Variants in ITPR2 observed in about 807,000 individuals in gnomAD.
ITPR2 encodes the protein inositol 1,4,5-trisphosphate-gated calcium channel ITPR2.
Under a neutral mutation model 317.1 loss-of-function variants are expected in ITPR2, and 207 were observed. That is an observed-to-expected ratio of 0.65 (90% CI 0.58 to 0.73). The LOEUF is 0.73. ITPR2 is among the 30% of genes least tolerant of loss of function. ITPR2 has a pLI of 0.00. For synonymous variants in ITPR2, 1,156 were observed against 1,149.1 expected (o/e 1.01, Z -0.12); for missense variants, 2,613 against 3,284.0 (o/e 0.80, Z 4.99).
intron 34 of ITPR2, among the ~76,000 whole-genome samples, chr12:26,574,979 T>C (rs1295894963): frequency 6.6e-6 from 1 of 151,732 alleles, no homozygotes; most frequent in East Asian, 1.9e-4. Flanking sequence ...CATTTCCACA[T>C]GAGATCTGGA....
At chr12:26,613,312 A>G (rs1181942100) in intron 26 of ITPR2, among the ~76,000 whole-genome samples, 3 of 152,226 alleles carry the variant, frequency 2.0e-5, no homozygotes, top group African/African-American at 7.2e-5. Context: ...ACACAGGCTC[A>G]AAACAAAGAG....
intron 55 of ITPR2, among the ~76,000 whole-genome samples, chr12:26,386,316 G>A (rs549691477): frequency 6.6e-6 from 1 of 152,180 alleles, no homozygotes; most frequent in African/African-American, 2.4e-5. Flanking sequence ...AGAATGCAGA[G>A]AAAACAACTT....
At position 26,340,298 on chromosome 12, in the gene ITPR2, G is replaced by T. The variant is rs1216729973; in HGVS notation, c.7888C>A (p.Arg2630=). 1.9e-6 allele frequency: 3 copies of T among 1,605,634 alleles called. No homozygotes were observed. Among genetic ancestry groups the T allele is most frequent in the Non-Finnish European group, 1.7e-6 (2 of 1,176,274 alleles). Reference sequence around the variant, plus strand: ...TCATTGCTAACGAGGGACATGGCTCGCATCCGAGGAAACCAATCCAAATTC... The same window carrying T: ...TCATTGCTAACGAGGGACATGGCTCTCATCCGAGGAAACCAATCCAAATTC... ...EKNLDWFPRM[R]AMSLVSNEGD... The change falls in exon 56 of 57, where the codon CGA becomes AGA. Residue 2630 remains arginine (R), a synonymous_variant. Coordinates refer to ENST00000381340, the MANE Select transcript of ITPR2 (RefSeq NM_002223.4).
chr12:26,578,926 TA>T, intron 33 of ITPR2, 93 bp from the exon 34 acceptor site: 1 of 1,235,192 alleles, frequency 8.1e-7, no homozygotes, highest in Non-Finnish European at 1.1e-6. Context: ...TTCATCAAAA[TA>T]AAATAAAATA....
intron 36 of ITPR2, 57 bp downstream of exon 36, chr12:26,556,176 G>A: frequency 6.4e-7 from 1 of 1,574,396 alleles, no homozygotes; most frequent in East Asian, 2.3e-5. Flanking sequence ...AAGCGGAAAT[G>A]TTAGAGGCCA....
At chr12:26,367,911 C>T (rs941124520) in intron 55 of ITPR2, among the ~76,000 whole-genome samples, 3 of 152,134 alleles carry the variant, frequency 2.0e-5, no homozygotes, top group Admixed American at 6.5e-5. Flanking sequence ...AGATGGCTGA[C>T]ATGGGTTGTT....
intron 11 of ITPR2, among the ~76,000 whole-genome samples, chr12:26,684,197 T>C (rs1374277773): frequency 6.6e-6 from 1 of 152,264 alleles, no homozygotes; most frequent in Non-Finnish European, 1.5e-5. Flanking sequence ...TTGTACTCAG[T>C]TGTCATCAGG....
At position 26,495,162 on chromosome 12, in the gene ITPR2, T is replaced by C. The variant is rs1382713923; in HGVS notation, c.5172A>G (p.Ala1724=). ...AATGACAGGACTTACCTCCCACCTG[T>C]GCAGTTTTGGAGTAGGCTCCTGATA... ...GHLSGAYSKT[A]QVGGSFSGQD... is the part of the protein sequence containing the mutation. The change falls in exon 38 of 57, where the codon GCA becomes GCG. Residue 1724 remains alanine (A), a synonymous_variant. Coordinates refer to ENST00000381340, the MANE Select transcript of ITPR2 (RefSeq NM_002223.4). The C allele has an allele frequency of 7.7e-6, 12 of 1,566,364 alleles. No individual in the cohort carries two copies. The East Asian group carries it at 1.8e-4, about 23-fold the overall frequency.
At chr12:26,777,713 C>T (rs1950000554) in intron 2 of ITPR2, among the ~76,000 whole-genome samples, 2 of 152,176 alleles carry the variant, frequency 1.3e-5, no homozygotes, top group Non-Finnish European at 2.9e-5. Flanking sequence ...AGATTCATGG[C>T]CCTTCAATCA....
At chr12:26,749,565 A>G (rs1419082483) in intron 2 of ITPR2, among the ~76,000 whole-genome samples, 1 of 152,208 alleles carries the variant, frequency 6.6e-6, no homozygotes, top group African/African-American at 2.4e-5. Flanking sequence ...CAGGGTGATG[A>G]TCACAGGATT....
intron 2 of ITPR2, among the ~76,000 whole-genome samples, chr12:26,736,628 T>C (rs1320793123): frequency 1.3e-5 from 2 of 152,168 alleles, no homozygotes; most frequent in East Asian, 3.8e-4. Context: ...TGCCTGAGCT[T>C]AATTATTAGC....
chr12:26,462,655 T>C (rs1036729980), intron 45 of ITPR2, among the ~76,000 whole-genome samples: 2 of 150,354 alleles, frequency 1.3e-5, no homozygotes, highest in African/African-American at 2.4e-5. Flanking sequence ...ATGTCAGCTA[T>C]ATAGTTAAGC....
chr12:26,661,957 A>G (rs1947514928), intron 15 of ITPR2, among the ~76,000 whole-genome samples: 1 of 152,188 alleles, frequency 6.6e-6, no homozygotes, highest in Non-Finnish European at 1.5e-5. Flanking sequence ...GAACCCAATG[A>G]AGTCCGGAAA....
chr12:26,372,981 A>G (rs1053569770), intron 55 of ITPR2, among the ~76,000 whole-genome samples: 1 of 152,194 alleles, frequency 6.6e-6, no homozygotes, highest in African/African-American at 2.4e-5. Flanking sequence ...CTGTCTGTCC[A>G]TAATCAGTGT....
intron 55 of ITPR2, among the ~76,000 whole-genome samples, chr12:26,341,294 T>C (rs1180789900): frequency 6.6e-6 from 1 of 152,188 alleles, no homozygotes; most frequent in Non-Finnish European, 1.5e-5. Flanking sequence ...TTTCTCTAAA[T>C]CACCTTCTCC....
intron 21 of ITPR2, chr12:26,648,610 T>C (rs1484821469): frequency 1.7e-5 from 2 of 114,654 alleles, no homozygotes; most frequent in South Asian, 2.6e-4. Context: ...GGAGTCCATA[T>C]GAAAAAAAAA....
intron 34 of ITPR2, among the ~76,000 whole-genome samples, chr12:26,573,129 A>T (rs924012682): frequency 5.3e-5 from 8 of 151,858 alleles, no homozygotes; most frequent in African/African-American, 1.7e-4. Flanking sequence ...GGCAGTAAAG[A>T]TCTCCCACTT....
chr12:26,364,967 T>C (rs1938960279), intron 55 of ITPR2, among the ~76,000 whole-genome samples: 1 of 152,202 alleles, frequency 6.6e-6, no homozygotes, highest in African/African-American at 2.4e-5. Context: ...CCTCCCCATG[T>C]GGTAACCCAA....
At chr12:26,378,892 C>T (rs1484688803) in intron 55 of ITPR2, among the ~76,000 whole-genome samples, 1 of 152,112 alleles carries the variant, frequency 6.6e-6, no homozygotes, top group African/African-American at 2.4e-5. Context: ...GCCTTCCTGC[C>T]ATTGTAGGAT....
Sources: gnomAD v4.1 joint callset for allele counts (sites outside exome capture counted in the v4.1 genomes callset) on GRCh38, gnomAD v4.1.1 for gene constraint, MANE v1.5 for transcripts, NCBI Gene and HGNC (gene_info 2026-07-23, HGNC 2026-07-21) for gene names.